BAALC: variants seen among roughly 807,000 people sequenced by gnomAD.
BAALC encodes BAALC binder of MAP3K1 and KLF4.
In BAALC, 9 loss-of-function variants were observed where a neutral mutation model predicts 15.5. That is an observed-to-expected ratio of 0.58 (90% CI 0.35 to 1.02). The LOEUF is 1.02. BAALC is among the 50% of genes least tolerant of loss of function. The pLI, the probability that BAALC is intolerant of heterozygous loss-of-function variation, is 0.02. For synonymous variants in BAALC, 80 were observed against 74.6 expected (o/e 1.07, Z -0.37); for missense variants, 201 against 192.4 (o/e 1.04, Z -0.27).
chr8:103,185,803 G>T (rs1811822770), intron 1 of BAALC, among the ~76,000 whole-genome samples: 2 of 152,242 alleles, frequency 1.3e-5, no homozygotes, highest in East Asian at 1.9e-4. Flanking sequence ...AATCATTAAT[G>T]AAATAGTCAC....
At chr8:103,146,689 T>G (rs1563632964) in intron 1 of BAALC, among the ~76,000 whole-genome samples, 1 of 152,250 alleles carries the variant, frequency 6.6e-6, no homozygotes, top group African/African-American at 2.4e-5. Flanking sequence ...TCTGCTCAAC[T>G]TTTTGTTGTC....
chr8:103,227,159 C>A (rs773171534), intron 2 of BAALC, among the ~76,000 whole-genome samples: 104 of 152,094 alleles, frequency 6.8e-4, no homozygotes, highest in Admixed American at 2.2e-3. Flanking sequence ...GTGGGTCATT[C>A]TTCCTGACTG....
At chr8:103,216,476 AATTAATTT>A (rs1240025728) in intron 2 of BAALC, among the ~76,000 whole-genome samples, 1 of 152,154 alleles carries the variant, frequency 6.6e-6, no homozygotes, top group African/African-American at 2.4e-5. Flanking sequence ...TTAATTAATT[AATTAATTT>A]ATGTATTTAT....
At chr8:103,175,097 C>A (rs931538883) in intron 1 of BAALC, among the ~76,000 whole-genome samples, 2 of 152,202 alleles carry the variant, frequency 1.3e-5, no homozygotes, top group Non-Finnish European at 2.9e-5. Flanking sequence ...CACCTCTCTG[C>A]CCTCCCTGCC....
chr8:103,142,408 T>C (rs1810797655), intron 1 of BAALC, among the ~76,000 whole-genome samples: 1 of 152,266 alleles, frequency 6.6e-6, no homozygotes, highest in Non-Finnish European at 1.5e-5. Flanking sequence ...TATTTTGTAT[T>C]GCCAATGCTT....
intron 1 of BAALC, among the ~76,000 whole-genome samples, chr8:103,192,751 A>G (rs904542082): frequency 6.6e-6 from 1 of 152,192 alleles, no homozygotes; most frequent in African/African-American, 2.4e-5. Flanking sequence ...GAGCCCTTCT[A>G]ATGGATCCTC....
chr8:103,145,653 T>C (rs1810863562), intron 1 of BAALC, among the ~76,000 whole-genome samples: 1 of 152,248 alleles, frequency 6.6e-6, no homozygotes. Context: ...AAGACTCACA[T>C]TAAGCTTATG....
chr8:103,157,962 C>CCTTAATT (rs1367672204), intron 1 of BAALC, among the ~76,000 whole-genome samples: 1 of 152,078 alleles, frequency 6.6e-6, no homozygotes, highest in Non-Finnish European at 1.5e-5. Context: ...AATGAAAATT[C>CCTTAATT]CTTAATTCTT....
rs1812123347 is a variant in BAALC at position 103,197,577 on chromosome 8, G to C, written c.161-15342G>C. On this transcript the variant is annotated intron_variant, in intron 1 of 2. Transcript: ENST00000309982. ...TAGGCCATTCTTGTGTTGCTATAAA[G>C]AAGTACTTGAGGCTGGGTAATTTAT... Among the ~76,000 whole-genome samples, 3 of 152,260 alleles carry C rather than the reference G, an allele frequency of 2.0e-5. No individual in the cohort carries two copies. In the South Asian group the frequency reaches 6.2e-4, roughly 32 times the overall value.
At chr8:103,224,893 G>A (rs545736884) in intron 2 of BAALC, among the ~76,000 whole-genome samples, 1 of 152,178 alleles carries the variant, frequency 6.6e-6, no homozygotes, top group Non-Finnish European at 1.5e-5. Context: ...AGAATTTATG[G>A]TTTGTAGGGC....
At chr8:103,193,845 T>C (rs1430056626) in intron 1 of BAALC, among the ~76,000 whole-genome samples, 1 of 152,182 alleles carries the variant, frequency 6.6e-6, no homozygotes, top group Non-Finnish European at 1.5e-5. Flanking sequence ...GCCCACACCA[T>C]GATAGCACAT....
intron 2 of BAALC, among the ~76,000 whole-genome samples, chr8:103,225,227 A>G (rs1812777990): frequency 6.6e-6 from 1 of 152,178 alleles, no homozygotes; most frequent in African/African-American, 2.4e-5. Flanking sequence ...TCATTCATTC[A>G]CTTATTCAAA....
chr8:103,180,212 C>T (rs1811695021), intron 1 of BAALC, among the ~76,000 whole-genome samples: 2 of 152,216 alleles, frequency 1.3e-5, no homozygotes, highest in Admixed American at 1.3e-4. Flanking sequence ...GAAATTAAGA[C>T]AACTAGAGTT....
chr8:103,142,367 T>C (rs555087436), intron 1 of BAALC, among the ~76,000 whole-genome samples: 10 of 152,330 alleles, frequency 6.6e-5, no homozygotes, highest in African/African-American at 2.4e-4. Flanking sequence ...TGTCTCCAGT[T>C]TTTCTGACTC....
At chr8:103,145,975 G>A (rs1230849124) in intron 1 of BAALC, among the ~76,000 whole-genome samples, 1 of 151,984 alleles carries the variant, frequency 6.6e-6, no homozygotes, top group Non-Finnish European at 1.5e-5. Context: ...AATATTCTAG[G>A]TCTTTGTTTC....
intron 1 of BAALC, among the ~76,000 whole-genome samples, chr8:103,203,919 C>T (rs975065593): frequency 3.3e-5 from 5 of 152,148 alleles, no homozygotes; most frequent in African/African-American, 9.7e-5. Flanking sequence ...TGTGTGGATA[C>T]AGGCTTTCGT....
intron 1 of BAALC, among the ~76,000 whole-genome samples, chr8:103,186,489 A>G (rs1304121002): frequency 6.6e-6 from 1 of 152,162 alleles, no homozygotes; most frequent in Non-Finnish European, 1.5e-5. Flanking sequence ...GCAGTGAATA[A>G]ATGGATCTGG....
intron 1 of BAALC, among the ~76,000 whole-genome samples, chr8:103,199,448 T>C (rs1812165037): frequency 6.6e-6 from 1 of 152,114 alleles, no homozygotes; most frequent in Non-Finnish European, 1.5e-5. Flanking sequence ...ACATAAAGGG[T>C]TCAGATAGGC....
intron 1 of BAALC, among the ~76,000 whole-genome samples, chr8:103,200,210 G>A (rs1398263534): frequency 2.0e-5 from 3 of 152,190 alleles, no homozygotes; most frequent in Non-Finnish European, 2.9e-5. Context: ...ACAGATGCTG[G>A]TGAGGTTGTG....
Sources: gnomAD v4.1 joint callset for allele counts (sites outside exome capture counted in the v4.1 genomes callset) on GRCh38, gnomAD v4.1.1 for gene constraint, MANE v1.5 for transcripts, NCBI Gene and HGNC (gene_info 2026-07-23, HGNC 2026-07-21) for gene names.